FLRT2: variants seen among roughly 807,000 people sequenced by gnomAD.
The protein encoded by FLRT2 is fibronectin leucine rich transmembrane protein 2.
A neutral mutation model predicts 40.0 loss-of-function variants in FLRT2; 15 were observed. The observed-to-expected ratio is 0.38, with a 90% CI of 0.25 to 0.58. FLRT2 has a LOEUF of 0.58. Ranked by LOEUF, FLRT2 falls within the 20% of genes least tolerant of loss-of-function variation. FLRT2 has a pLI of 0.71. For synonymous variants in FLRT2, 380 were observed against 336.8 expected, an observed-to-expected ratio of 1.13 and a Z score of -1.41; for missense variants, 726 against 840.0, an observed-to-expected ratio of 0.86 and a Z score of 1.68.
rs113734496 is a variant in FLRT2, at chr14:85,605,677, G to A, written c.-376-15462G>A. Among the ~76,000 whole-genome samples the A allele has an allele frequency of 7.6e-3, 1,155 of 152,198 alleles. 9 individuals are homozygous for A. The highest frequency in any genetic ancestry group is 0.026 in the African/African-American group (1,096 of 41,534). On this transcript the variant is annotated intron_variant, in intron 1 of 1. Coordinates refer to ENST00000330753, the MANE Select transcript of FLRT2 (RefSeq NM_013231.6). ...CCCAGCTACTCGGGAGGCTGAAGCA[G>A]GAGAATGGCATGAACTGGAGCTCGC...
At chr14:85,534,675 T>C (rs1452687997) in intron 1 of FLRT2, among the ~76,000 whole-genome samples, 1 of 151,920 alleles carries the variant, frequency 6.6e-6, no homozygotes, top group Non-Finnish European at 1.5e-5. Context: ...TTTTTCTCGG[T>C]GGCCTGATGC....
At chr14:85,615,491 C>G (rs767021352) in intron 1 of FLRT2, among the ~76,000 whole-genome samples, 2 of 152,118 alleles carry the variant, frequency 1.3e-5, no homozygotes, top group Non-Finnish European at 2.9e-5. Context: ...CTCCTCCCCT[C>G]CCTCTCTCCT....
chr14:85,594,811 G>GAATTTAACT (rs1350935025), intron 1 of FLRT2, among the ~76,000 whole-genome samples: 1 of 152,054 alleles, frequency 6.6e-6, no homozygotes, highest in African/African-American at 2.4e-5. Flanking sequence ...GACTCCCCCA[G>GAATTTAACT]AATTTAACTA....
At position 85,622,414 on chromosome 14, in the gene FLRT2, C is replaced by T. The variant is rs140637012; in HGVS notation, c.900C>T (p.Ser300=). 57 of 1,614,106 alleles carry T rather than the reference C, an allele frequency of 3.5e-5. No homozygotes were observed. In the African/African-American group the frequency reaches 6.3e-4, roughly 18 times the overall value. ...MLTQGVFDNL[S]NLKQLTARNN... is the part of the protein sequence containing the mutation. ...CTCAAGGGGTTTTTGATAATCTCTC[C>T]AACCTGAAGCAGCTCACTGCTCGGA... is the stretch of plus-strand genomic sequence containing the variant. Residue 300 remains serine, a synonymous_variant, in exon 2 of 2, where the codon TCC becomes TCT. Coordinates refer to ENST00000330753, the MANE Select transcript of FLRT2 (RefSeq NM_013231.6).
rs1893826354 is a variant in FLRT2, at chr14:85,630,094, T to C, written c.*6597T>C. 6.6e-6 allele frequency: 1 copy of C among 152,152 alleles called. No individual in the cohort carries two copies. Among genetic ancestry groups the C allele is most frequent in the African/African-American group, 2.4e-5 (1 of 41,434 alleles). 9.4% of individuals were successfully genotyped at this position (152,152 alleles called of 1,614,324 possible). A position where few individuals can be genotyped will look rare whatever the true frequency, so the allele number is the denominator to read the frequency against. On this transcript the variant is annotated 3_prime_UTR_variant, in exon 2 of 2. Coordinates refer to ENST00000330753, the MANE Select transcript of FLRT2 (RefSeq NM_013231.6). The stretch of plus-strand genomic sequence containing the variant: ...ATGTCACAATCTATTAGGGCATTAG[T>C]AAACTGGCTTCTGAATTTATGCTCT...
chr14:85,546,304 A>G (rs999290066), intron 1 of FLRT2, among the ~76,000 whole-genome samples: 15 of 152,118 alleles, frequency 9.9e-5, no homozygotes, highest in African/African-American at 3.6e-4. Context: ...CCATTCCTTA[A>G]TTCCTTCACT....
At chr14:85,573,507 A>G (rs910860597) in intron 1 of FLRT2, among the ~76,000 whole-genome samples, 15 of 152,188 alleles carry the variant, frequency 9.9e-5, no homozygotes, top group African/African-American at 3.6e-4. Context: ...ATGCTCCACC[A>G]TGATTGGCCA....
At chr14:85,614,955 C>A (rs1421150399) in intron 1 of FLRT2, among the ~76,000 whole-genome samples, 1 of 152,148 alleles carries the variant, frequency 6.6e-6, no homozygotes, top group Non-Finnish European at 1.5e-5. Flanking sequence ...GGACCATATA[C>A]TTTTATATCT....
rs1893398547 is a variant in FLRT2, at chr14:85,621,809, C to G, written c.295C>G (p.Gln99Glu). The change falls in exon 2 of 2, where the codon CAA becomes GAA. Residue 99 changes from glutamine (Q) to glutamate (E), a missense_variant. This residue lies in a region of FLRT2 where 106 missense variants were observed against 121.2 expected (regional missense o/e 0.87). Transcript: ENST00000330753. ...SVHTVYLYGN[Q>E]LDEFPMNLPK... Reference sequence around the variant, plus strand: ...GCACACGGTCTACCTGTATGGCAACCAACTGGACGAATTCCCCATGAACCT... The same window carrying G: ...GCACACGGTCTACCTGTATGGCAACGAACTGGACGAATTCCCCATGAACCT... 2 of 1,614,002 alleles carry G rather than the reference C, an allele frequency of 1.2e-6. No individual in the cohort carries two copies. Among genetic ancestry groups the G allele is most frequent in the Non-Finnish European group, 1.7e-6 (2 of 1,180,034 alleles).
At position 85,643,327 on chromosome 14, in the gene FLRT2, CTTTCTTTCTTTCTTTCTTT is replaced by C. The variant is rs1894203646; in HGVS notation, c.*19831_*19849del. On this transcript the variant is annotated 3_prime_UTR_variant, in exon 2 of 2. Coordinates refer to ENST00000330753, the MANE Select transcript of FLRT2 (RefSeq NM_013231.6). The stretch of plus-strand genomic sequence containing the variant: ...TCTTTCTTTCTTTCTTTCTTTCTTT[CTTTCTTTCTTTCTTTCTTT>C]CTTTCTTTCTTCCTTCCTTCCTTCC... The C allele has an allele frequency of 1.8e-5, 2 of 113,388 alleles. No individual in the cohort carries two copies. The highest frequency in any genetic ancestry group is 7.6e-5 in the African/African-American group (2 of 26,456). The allele number at this position is 113,388 out of a possible 1,614,324, so 7.0% of individuals were successfully genotyped here.
Position 85,639,318 on chromosome 14 carries a change from CA to C in FLRT2, c.*15822del, listed in dbSNP as rs1894088988. 1 of 152,134 alleles carries C rather than the reference CA, an allele frequency of 6.6e-6. No homozygotes were observed. The highest frequency in any genetic ancestry group is 2.1e-4 in the South Asian group (1 of 4,826). 9.4% of individuals were successfully genotyped at this position (152,134 alleles called of 1,614,324 possible). A position where few individuals can be genotyped will look rare whatever the true frequency, so the allele number is the denominator to read the frequency against. The stretch of plus-strand genomic sequence containing the variant: ...TCTCGTTAAGTTGACAAAATCTTGA[CA>C]GGAGTAAAAGATAATCGAATTCTCT... On this transcript the variant is annotated 3_prime_UTR_variant, in exon 2 of 2. Transcript: ENST00000330753.
chr14:85,549,222 A>C (rs1595003096), intron 1 of FLRT2, among the ~76,000 whole-genome samples: 1 of 151,852 alleles, frequency 6.6e-6, no homozygotes, highest in East Asian at 1.9e-4. Context: ...CTGACCCTCC[A>C]CTGAGCTGTC....
chr14:85,641,265 C>G lies in FLRT2; in HGVS notation c.*17768C>G, dbSNP rs901059807. ...TGGTATTCATTATTCCCAATTCCTT[C>G]TATATGCCTTCCTTTCTGGATAGAA... On this transcript the variant is annotated 3_prime_UTR_variant, in exon 2 of 2. Coordinates refer to ENST00000330753, the MANE Select transcript of FLRT2 (RefSeq NM_013231.6). 1 of 152,204 alleles carries G rather than the reference C, an allele frequency of 6.6e-6. No individual in the cohort carries two copies. The highest frequency in any genetic ancestry group is 1.5e-5 in the Non-Finnish European group (1 of 68,038). 9.4% of individuals were successfully genotyped at this position (152,204 alleles called of 1,614,324 possible). A position where few individuals can be genotyped will look rare whatever the true frequency, so the allele number is the denominator to read the frequency against.
At chr14:85,580,561 T>A (rs1891341262) in intron 1 of FLRT2, among the ~76,000 whole-genome samples, 1 of 152,218 alleles carries the variant, frequency 6.6e-6, no homozygotes, top group African/African-American at 2.4e-5. Context: ...TTCGTTAAAG[T>A]TAACGGTTTG....
rs1417151069 is a variant in FLRT2, at chr14:85,547,618, G to A, written c.-377+17084G>A. ...ATTATAGGCTTGAGCCACCTTGCTC[G>A]GCCGCTTTGTCTTTATTTTCTGAGG... On this transcript the variant is annotated intron_variant, in intron 1 of 1. Coordinates refer to ENST00000330753, the MANE Select transcript of FLRT2 (RefSeq NM_013231.6). Among the ~76,000 whole-genome samples, 8 of 152,186 alleles carry A rather than the reference G, an allele frequency of 5.3e-5. No homozygotes were observed. The East Asian group carries it at 1.2e-3, about 22-fold the overall frequency.
At chr14:85,614,252 C>A (rs1328133994) in intron 1 of FLRT2, among the ~76,000 whole-genome samples, 1 of 152,154 alleles carries the variant, frequency 6.6e-6, no homozygotes, top group Admixed American at 6.5e-5. Flanking sequence ...GCTCATAACA[C>A]CTTTTCTACC....
rs1400921808 is a variant in FLRT2, at chr14:85,645,248, A to T, written c.*21751A>T. The T allele has an allele frequency of 9.9e-6, 1 of 101,176 alleles. No individual in the cohort carries two copies. Among genetic ancestry groups the T allele is most frequent in the Non-Finnish European group, 2.0e-5 (1 of 49,386 alleles). 6.3% of individuals were successfully genotyped at this position (101,176 alleles called of 1,614,324 possible). ...TATATATGTATATACATATATGTAT[A>T]CATGTGTATATATGTATACATGTGT... On this transcript the variant is annotated 3_prime_UTR_variant, in exon 2 of 2. Coordinates refer to ENST00000330753, the MANE Select transcript of FLRT2 (RefSeq NM_013231.6).
At chr14:85,548,975 G>A (rs771417297) in intron 1 of FLRT2, among the ~76,000 whole-genome samples, 7 of 152,184 alleles carry the variant, frequency 4.6e-5, no homozygotes, top group Non-Finnish European at 1.0e-4. Flanking sequence ...AAAGCAGCTT[G>A]ACTTCAGAGG....
chr14:85,648,642 A>T lies in FLRT2; in HGVS notation c.*25145A>T, dbSNP rs1186774327. 7 of 152,058 alleles carry T rather than the reference A, an allele frequency of 4.6e-5. No individual in the cohort carries two copies. The East Asian group carries it at 7.7e-4, about 17-fold the overall frequency. 9.4% of individuals were successfully genotyped at this position (152,058 alleles called of 1,614,324 possible). On this transcript the variant is annotated 3_prime_UTR_variant, in exon 2 of 2. Transcript: ENST00000330753. ...GTTCTTCCTATAATTTTCTAAGTGT[A>T]TAATTGCCCATTTTCCCTAAATACC...
Sources: allele counts gnomAD v4.1 joint callset (sites outside exome capture counted in the v4.1 genomes callset), GRCh38; gene constraint gnomAD v4.1.1; regional missense constraint gnomAD v4.1.1; transcripts MANE v1.5; gene names NCBI Gene and HGNC (gene_info 2026-07-23, HGNC 2026-07-21).